CCDC60: variants seen among roughly 807,000 people sequenced by gnomAD.
CCDC60 encodes coiled-coil domain-containing protein 60.
CCDC60 carries 54 observed loss-of-function variants against 63.5 expected under a neutral mutation model. That is an observed-to-expected ratio of 0.85 (90% CI 0.68 to 1.07). CCDC60 has a LOEUF of 1.07. CCDC60 is among the 50% of genes least tolerant of loss of function. The pLI is 0.00. For missense variants in CCDC60, 651 were observed against 684.3 expected (o/e 0.95, Z 0.54); for synonymous variants, 206 against 238.8 (o/e 0.86, Z 1.27).
At chr12:119,368,228 G>C (rs1052209582) in intron 1 of CCDC60, among the ~76,000 whole-genome samples, 1 of 133,196 alleles carries the variant, frequency 7.5e-6, no homozygotes, top group Non-Finnish European at 1.6e-5. Flanking sequence ...GGAAGAGGAG[G>C]AGGAGGAGGG....
At chr12:119,457,196 A>G (rs944486481) in intron 2 of CCDC60, among the ~76,000 whole-genome samples, 2 of 152,224 alleles carry the variant, frequency 1.3e-5, no homozygotes, top group Admixed American at 6.5e-5. Flanking sequence ...CTCAGACCCA[A>G]GAATTTTGCA....
intron 1 of CCDC60, among the ~76,000 whole-genome samples, chr12:119,360,265 G>C (rs566274926): frequency 7.2e-6 from 1 of 139,134 alleles, no homozygotes; most frequent in African/African-American, 2.7e-5. Context: ...CTCACCTCCC[G>C]GACGGGGCGG....
intron 1 of CCDC60, among the ~76,000 whole-genome samples, chr12:119,398,427 G>A (rs1318931225): frequency 4.6e-5 from 7 of 152,090 alleles, no homozygotes; most frequent in East Asian, 1.9e-4. Flanking sequence ...CTCCCTGCAC[G>A]CCTCCCCGCA....
Position 119,410,182 on chromosome 12 carries a change from A to AGTGTGT in CCDC60, c.91-18488_91-18483dup, listed in dbSNP as rs56384600. Among the ~76,000 whole-genome samples, 200 of 149,564 alleles carry AGTGTGT rather than the reference A, an allele frequency of 1.3e-3. No individual in the cohort carries two copies. The highest frequency in any genetic ancestry group is 4.4e-3 in the African/African-American group (179 of 40,794). The stretch of plus-strand genomic sequence containing the variant: ...AAAGGTAGATGCTAGTGTTGGAAAG[A>AGTGTGT]GTGTGTGTGTGTGTGTGTCTGTGTG... On this transcript the variant is annotated intron_variant, in intron 1 of 13. Transcript: ENST00000327554. This position sits in a 1 kb window ranked among gnomAD's most constrained non-coding sequence, Gnocchi z 4.0.
chr12:119,490,705 C>T (rs1951562957), intron 5 of CCDC60, among the ~76,000 whole-genome samples: 1 of 152,086 alleles, frequency 6.6e-6, no homozygotes, highest in African/African-American at 2.4e-5. Flanking sequence ...GCTAGTACTA[C>T]AGGTGAATGC....
chr12:119,539,390 A>G (rs1953094550), intron 13 of CCDC60, among the ~76,000 whole-genome samples: 2 of 152,214 alleles, frequency 1.3e-5, no homozygotes, highest in African/African-American at 2.4e-5. Context: ...TGCCCTGCCC[A>G]GAAAGGAGGA....
At chr12:119,476,036 A>G (rs1309849052) in intron 3 of CCDC60, among the ~76,000 whole-genome samples, 3 of 152,220 alleles carry the variant, frequency 2.0e-5, no homozygotes, top group African/African-American at 2.4e-5. Flanking sequence ...TAAACAAAGT[A>G]TTTGATCTTG....
chr12:119,494,475 C>G (rs568649257), intron 5 of CCDC60, among the ~76,000 whole-genome samples: 16 of 152,262 alleles, frequency 1.1e-4, no homozygotes, highest in African/African-American at 3.1e-4. Context: ...CAGAGAGACA[C>G]CACTGGGCCC....
At chr12:119,500,548 G>A (rs868471069) in intron 6 of CCDC60, among the ~76,000 whole-genome samples, 7 of 18,468 alleles carry the variant, frequency 3.8e-4, no homozygotes, top group Admixed American at 2.7e-3. Flanking sequence ...CCCCCACCCC[G>A]CTTTAACCCA....
Position 119,384,559 on chromosome 12 carries a change from C to T in CCDC60, c.91-44124C>T, listed in dbSNP as rs577839127. 3.3e-5 allele frequency among the ~76,000 whole-genome samples: 5 copies of T among 152,298 alleles called. No homozygotes were observed. In the East Asian group the frequency reaches 5.8e-4, roughly 18 times the overall value. ...AATTGCTCATCACAGTTCAGGGAGC[C>T]GGAGCTGGGAGAAGACAGACCTGCC... On this transcript the variant is annotated intron_variant, in intron 1 of 13. Coordinates refer to ENST00000327554, the MANE Select transcript of CCDC60 (RefSeq NM_178499.5).
intron 2 of CCDC60, among the ~76,000 whole-genome samples, chr12:119,460,479 T>A (rs1950835713): frequency 6.6e-6 from 1 of 152,250 alleles, no homozygotes; most frequent in East Asian, 1.9e-4. Flanking sequence ...CATTTTACAA[T>A]GGATGATGCA....
At chr12:119,436,525 T>G (rs1045946038) in intron 2 of CCDC60, among the ~76,000 whole-genome samples, 3 of 143,640 alleles carry the variant, frequency 2.1e-5, no homozygotes, top group Non-Finnish European at 4.5e-5. Context: ...GCGAGTCCCC[T>G]TGAGTGATGC....
intron 1 of CCDC60, among the ~76,000 whole-genome samples, chr12:119,340,112 CTT>C (rs1443537171): frequency 1.3e-5 from 2 of 152,120 alleles, no homozygotes; most frequent in Non-Finnish European, 2.9e-5. Flanking sequence ...AAAAAGAAAA[CTT>C]AACAAATTAA....
intron 3 of CCDC60, among the ~76,000 whole-genome samples, chr12:119,476,100 G>T (rs1240621133): frequency 6.6e-6 from 1 of 152,000 alleles, no homozygotes; most frequent in African/African-American, 2.4e-5. Flanking sequence ...TAAGACCATA[G>T]AATACATTCT....
At chr12:119,490,581 A>G (rs1395466784) in intron 5 of CCDC60, among the ~76,000 whole-genome samples, 1 of 151,736 alleles carries the variant, frequency 6.6e-6, no homozygotes. Context: ...TTTTTTTTAA[A>G]GAGATGAGGG....
At chr12:119,430,776 C>A (rs1172010182) in intron 2 of CCDC60, among the ~76,000 whole-genome samples, 1 of 152,026 alleles carries the variant, frequency 6.6e-6, no homozygotes. Context: ...GGCACCTGCA[C>A]CTTCAGCTTC....
chr12:119,371,225 G>T (rs565136576), intron 1 of CCDC60, among the ~76,000 whole-genome samples: 1 of 152,126 alleles, frequency 6.6e-6, no homozygotes, highest in Admixed American at 6.5e-5. Context: ...TCATGACATT[G>T]TGTCTCCATC....
At chr12:119,482,006 A>ATAT (rs1377419532) in intron 4 of CCDC60, among the ~76,000 whole-genome samples, 18 of 80,046 alleles carry the variant, frequency 2.2e-4, no homozygotes, top group South Asian at 5.0e-4. Context: ...ATGTATATAT[A>ATAT]GTATATATAT....
intron 2 of CCDC60, among the ~76,000 whole-genome samples, chr12:119,434,706 C>A (rs1950294807): frequency 6.6e-6 from 1 of 152,164 alleles, no homozygotes; most frequent in South Asian, 2.1e-4. Flanking sequence ...TTTCAGAGAA[C>A]AATAAATGAA....
Sources: allele counts gnomAD v4.1 joint callset (sites outside exome capture counted in the v4.1 genomes callset), GRCh38; gene constraint gnomAD v4.1.1; non-coding constraint Gnocchi (gnomAD v3.1); transcripts MANE v1.5; gene names NCBI Gene and HGNC (gene_info 2026-07-23, HGNC 2026-07-21).